Variants in SCHIP1 observed in about 807,000 individuals in gnomAD.
SCHIP1 encodes the protein schwannomin-interacting protein 1.
A neutral mutation model predicts 29.7 loss-of-function variants in SCHIP1; 8 were observed. The ratio of observed to expected loss-of-function variants is 0.27; its 90% confidence interval spans 0.16 to 0.49. SCHIP1 has a LOEUF of 0.49. Ranked by LOEUF, SCHIP1 falls within the 20% of genes least tolerant of loss-of-function variation. The pLI, the probability that SCHIP1 is intolerant of heterozygous loss-of-function variation, is 0.99. For synonymous variants in SCHIP1, 76 were observed against 94.9 expected (o/e 0.80, Z 1.16); for missense variants, 193 against 294.6 (o/e 0.66, Z 2.52).
the SCHIP1 span, among the ~76,000 whole-genome samples, chr3:159,334,775 G>C: frequency 6.6e-6 from 1 of 152,030 alleles, no homozygotes; most frequent in Non-Finnish European, 1.5e-5. Flanking sequence ...AATTTCAATA[G>C]ATTTGTTAAT....
the SCHIP1 span, among the ~76,000 whole-genome samples, chr3:159,505,071 G>A: frequency 4.1e-4 from 63 of 152,296 alleles, no homozygotes; most frequent in Admixed American, 9.2e-4. Context: ...AGAGAGCAAG[G>A]TGCGTTTGCT....
chr3:159,538,192 T>G, the SCHIP1 span, among the ~76,000 whole-genome samples: 1 of 152,042 alleles, frequency 6.6e-6, no homozygotes, highest in East Asian at 1.9e-4. Context: ...ATTACCAAAA[T>G]TGCTAAGAAA....
the SCHIP1 span, among the ~76,000 whole-genome samples, chr3:159,724,018 T>A: frequency 2.6e-5 from 4 of 152,210 alleles, no homozygotes; most frequent in Non-Finnish European, 5.9e-5. Flanking sequence ...CTGGAAGAGT[T>A]GAACCAGTTT....
the SCHIP1 span, among the ~76,000 whole-genome samples, chr3:159,742,292 A>G: frequency 6.6e-6 from 1 of 152,172 alleles, no homozygotes; most frequent in Non-Finnish European, 1.5e-5. Context: ...TGCCACTGGG[A>G]GTTATCGCAG....
chr3:159,814,612 T>G, the SCHIP1 span, among the ~76,000 whole-genome samples: 1 of 152,208 alleles, frequency 6.6e-6, no homozygotes, highest in Non-Finnish European at 1.5e-5. Flanking sequence ...AGCTGGCCCA[T>G]GTGCCGCACA....
the SCHIP1 span, among the ~76,000 whole-genome samples, chr3:159,373,738 T>C: frequency 1.3e-5 from 2 of 152,148 alleles, no homozygotes; most frequent in Non-Finnish European, 2.9e-5. Context: ...ATTACAAAAT[T>C]CCTTTCTTTT....
chr3:159,414,842 G>T, the SCHIP1 span, among the ~76,000 whole-genome samples: 1 of 152,116 alleles, frequency 6.6e-6, no homozygotes, highest in East Asian at 1.9e-4. Flanking sequence ...CACATGTGCA[G>T]TTCATGATAG....
the SCHIP1 span, among the ~76,000 whole-genome samples, chr3:159,311,151 C>T: frequency 7.9e-5 from 12 of 152,126 alleles, no homozygotes; most frequent in South Asian, 2.1e-3. Context: ...ATAATTAACC[C>T]GAAGTGAATC....
chr3:159,719,421 G>T, the SCHIP1 span, among the ~76,000 whole-genome samples: 1 of 152,220 alleles, frequency 6.6e-6, no homozygotes, highest in African/African-American at 2.4e-5. Flanking sequence ...CACAGCAAAA[G>T]AAACTACCAT....
chr3:159,382,832 T>C, the SCHIP1 span, among the ~76,000 whole-genome samples: 1 of 152,362 alleles, frequency 6.6e-6, no homozygotes, highest in Admixed American at 6.5e-5. Flanking sequence ...CATTGTGGTT[T>C]TGATTTGCAT....
the SCHIP1 span, among the ~76,000 whole-genome samples, chr3:159,755,503 T>A: frequency 6.6e-6 from 1 of 152,178 alleles, no homozygotes; most frequent in African/African-American, 2.4e-5. Context: ...CACATGGGAA[T>A]TATGGAAGCT....
chr3:159,429,382 G>C, the SCHIP1 span, among the ~76,000 whole-genome samples: 3 of 151,928 alleles, frequency 2.0e-5, no homozygotes, highest in Non-Finnish European at 4.4e-5. Context: ...TGAGGTGGGG[G>C]TAAATCTTCC....
chr3:159,443,165 C>A, the SCHIP1 span, among the ~76,000 whole-genome samples: 3 of 152,152 alleles, frequency 2.0e-5, no homozygotes, highest in Non-Finnish European at 2.9e-5. Context: ...CTCTGACAGG[C>A]TGGGGTAGAA....
chr3:159,498,083 C>T, the SCHIP1 span, among the ~76,000 whole-genome samples: 1 of 152,252 alleles, frequency 6.6e-6, no homozygotes, highest in Non-Finnish European at 1.5e-5. Flanking sequence ...ATTCAAATTA[C>T]ACAGAGCAAT....
At chr3:159,298,708 C>A in the SCHIP1 span, among the ~76,000 whole-genome samples, 36 of 152,114 alleles carry the variant, frequency 2.4e-4, no homozygotes, top group African/African-American at 7.7e-4. Flanking sequence ...CAGAAGCCTC[C>A]GTGAAGAACA....
At chr3:159,401,409 A>AGAT in the SCHIP1 span, 2 of 945,408 alleles carry the variant, frequency 2.1e-6, no homozygotes, top group Non-Finnish European at 2.5e-6. Flanking sequence ...AAATAATTTT[A>AGAT]GATAGTAATA....
At chr3:159,806,160 A>G in the SCHIP1 span, among the ~76,000 whole-genome samples, 2 of 152,138 alleles carry the variant, frequency 1.3e-5, no homozygotes, top group Non-Finnish European at 2.9e-5. Context: ...TTGAAGCTGC[A>G]TGTTATACGA....
chr3:159,855,906 A>C (rs1713296151), intron 1 of SCHIP1, among the ~76,000 whole-genome samples: 1 of 152,208 alleles, frequency 6.6e-6, no homozygotes, highest in Admixed American at 6.5e-5. Flanking sequence ...AAGGAAGAAA[A>C]AGATTATGCT....
chr3:159,883,827 G>C (rs565417478), intron 2 of SCHIP1, among the ~76,000 whole-genome samples: 2 of 151,948 alleles, frequency 1.3e-5, no homozygotes, highest in African/African-American at 4.8e-5. Flanking sequence ...TTGATTTTAC[G>C]CAGACTACTA....
Sources: allele counts gnomAD v4.1 joint callset (sites outside exome capture counted in the v4.1 genomes callset), GRCh38; gene constraint gnomAD v4.1.1; transcripts MANE v1.5; gene names NCBI Gene and HGNC (gene_info 2026-07-23, HGNC 2026-07-21).